The following TRIM72 variants were observed in gnomAD, a reference collection of about 807,000 sequenced individuals.
TRIM72 encodes the protein tripartite motif-containing protein 72.
Under a neutral mutation model 31.6 loss-of-function variants are expected in TRIM72, and 33 were observed. The observed-to-expected ratio is 1.04, with a 90% CI of 0.79 to 1.40. The LOEUF (loss-of-function observed/expected upper bound fraction) is 1.40. Ranked by LOEUF, TRIM72 falls within the 40% of genes most tolerant of loss-of-function variation. The pLI is 0.00. For synonymous variants in TRIM72, 301 were observed against 314.4 expected (o/e 0.96, Z 0.45); for missense variants, 666 against 682.7 (o/e 0.98, Z 0.27).
rs372501950 is a variant in TRIM72, at chr16:31,219,052, G to T, written c.391-43G>T. On this transcript the variant is annotated intron_variant, in intron 2 of 6. Coordinates refer to ENST00000322122, the MANE Select transcript of TRIM72 (RefSeq NM_001008274.4). This position sits in a 1 kb window ranked among gnomAD's most constrained non-coding sequence, Gnocchi z 4.2. ...TTTAGGATGGGAGGTGTGGGTTTTG[G>T]GTGGGTGGCATCCCCATCACTTCTC... 25 of 1,534,370 alleles carry T rather than the reference G, an allele frequency of 1.6e-5. No individual in the cohort carries two copies. Among genetic ancestry groups the T allele is most frequent in the South Asian group, 9.7e-5 (8 of 82,714 alleles).
chr16:31,223,004 G>A (rs1002442338), intron 6 of TRIM72, 59 bp downstream of exon 6: 2 of 1,398,506 alleles, frequency 1.4e-6, no homozygotes, highest in Admixed American at 4.1e-5. Context: ...GGAGGCCCTA[G>A]CCACCCTGGA....
In TRIM72 at chr16:31,216,609, C is replaced by G. The variant is rs1218694038; in HGVS notation, c.390+1481C>G. The G allele has an allele frequency of 3.1e-6, 3 of 956,770 alleles. No homozygotes were observed. The highest frequency in any genetic ancestry group is 3.3e-5 in the South Asian group (2 of 59,722). The allele number at this position is 956,770 out of a possible 1,614,324, so 59.3% of individuals were successfully genotyped here. On this transcript the variant is annotated intron_variant, in intron 2 of 6. Coordinates refer to ENST00000322122, the MANE Select transcript of TRIM72 (RefSeq NM_001008274.4). The surrounding 1 kb of genome is among the most constrained non-coding windows in gnomAD (Gnocchi z 6.7). ...TCGCGGCAGCCCAGCCCTTCGCCCC[C>G]GGGAGGGGCTGGCCGGAGGTCTGAG...
chr16:31,217,961 G>T (rs889390242), intron 2 of TRIM72, among the ~76,000 whole-genome samples: 4 of 152,176 alleles, frequency 2.6e-5, no homozygotes, highest in African/African-American at 9.6e-5. Context: ...CCAAGCCCAT[G>T]TGTGTACAGG....
At position 31,215,053 on chromosome 16, in the gene TRIM72, C is replaced by A. The variant is rs773228834; in HGVS notation, c.315C>A (p.Cys105Ter). 6.7e-6 allele frequency: 10 copies of A among 1,490,292 alleles called. No homozygotes were observed. Among genetic ancestry groups the A allele is most frequent in the African/African-American group, 2.9e-5 (2 of 68,696 alleles). The allele number at this position is 1,490,292 out of a possible 1,614,324, so 92.3% of individuals were successfully genotyped here. The change falls in exon 2 of 7, where the codon TGC becomes TGA. Residue 105 changes from cysteine to a stop codon, truncating the protein, a stop_gained. Coordinates refer to ENST00000322122, the MANE Select transcript of TRIM72 (RefSeq NM_001008274.4). LOFTEE classifies it high-confidence loss of function. This position sits in a 1 kb window ranked among gnomAD's most constrained non-coding sequence, Gnocchi z 6.3. The stretch of plus-strand genomic sequence containing the variant: ...GCGAGCAGGACCGCGCGCTGGTGTG[C>A]GGAGTGTGCGCCTCACTCGGCTCGC... ...IYCEQDRALV[C>*]GVCASLGSHR... is the part of the protein sequence containing the mutation.
Position 31,224,470 on chromosome 16 carries a change from G to A in TRIM72, c.1149G>A (p.Leu383=). The change falls in exon 7 of 7, where the codon CTG becomes CTA. Residue 383 remains leucine (L), a synonymous_variant. Coordinates refer to ENST00000322122, the MANE Select transcript of TRIM72 (RefSeq NM_001008274.4). ...HAVPSQGLWL[L]GLREGKILEA... ...TGCCCTCGCAGGGCCTGTGGCTGCT[G>A]GGGCTGCGCGAGGGCAAGATCCTGG... is the stretch of plus-strand genomic sequence containing the variant. 1 of 1,472,318 alleles carries A rather than the reference G, an allele frequency of 6.8e-7. No homozygotes were observed. Among genetic ancestry groups the A allele is most frequent in the Non-Finnish European group, 8.9e-7 (1 of 1,123,026 alleles). 91.2% of individuals were successfully genotyped at this position (1,472,318 alleles called of 1,614,324 possible). A position where few individuals can be genotyped will look rare whatever the true frequency, so the allele number is the denominator to read the frequency against.
In TRIM72 at chr16:31,215,456, A is replaced by G. The variant is rs1218755562; in HGVS notation, c.390+328A>G. On this transcript the variant is annotated intron_variant, in intron 2 of 6. Transcript: ENST00000322122. This position sits in a 1 kb window ranked among gnomAD's most constrained non-coding sequence, Gnocchi z 6.3. ...TGATGGGCCGGGCGGAGCCAGGCGG[A>G]GCAGGGACTGACCAGCCCCTGCGGC... Among the ~76,000 whole-genome samples, 2 of 152,032 alleles carry G rather than the reference A, an allele frequency of 1.3e-5. No individual in the cohort carries two copies. Among genetic ancestry groups the G allele is most frequent in the African/African-American group, 2.4e-5 (1 of 41,376 alleles).
chr16:31,222,482 CTTTTTTT>C (rs3060409), intron 5 of TRIM72, among the ~76,000 whole-genome samples: 5 of 117,982 alleles, frequency 4.2e-5, no homozygotes, highest in Non-Finnish European at 8.3e-5. Context: ...TCTTCTTCTT[CTTTTTTT>C]TTTTTTTTTA....
At chr16:31,221,643 GAGA>G (rs1294737877) in intron 5 of TRIM72, among the ~76,000 whole-genome samples, 5 of 143,756 alleles carry the variant, frequency 3.5e-5, no homozygotes, top group African/African-American at 7.8e-5. Flanking sequence ...GCATTGCTGG[GAGA>G]AGAAGGGCAT....
Position 31,216,524 on chromosome 16 carries a change from G to C in TRIM72, c.390+1396G>C, listed in dbSNP as rs1012807049. On this transcript the variant is annotated intron_variant, in intron 2 of 6. Transcript: ENST00000322122. The surrounding 1 kb of genome is among the most constrained non-coding windows in gnomAD (Gnocchi z 6.7). ...GCACAGAACCCATGAAACGGAACAG[G>C]GCCCAGGCAGCCCAGGAGCCTGGAA... Among the ~76,000 whole-genome samples, 1 of 152,220 alleles carries C rather than the reference G, an allele frequency of 6.6e-6. No individual in the cohort carries two copies. Among genetic ancestry groups the C allele is most frequent in the Non-Finnish European group, 1.5e-5 (1 of 68,042 alleles).
Position 31,220,918 on chromosome 16 carries a change from G to A in TRIM72, c.740G>A (p.Arg247Lys), listed in dbSNP as rs142710131. 1.9e-6 allele frequency: 3 copies of A among 1,614,054 alleles called. No homozygotes were observed. Among genetic ancestry groups the A allele is most frequent in the African/African-American group, 2.7e-5 (2 of 74,914 alleles). Reference sequence around the variant, plus strand: ...CAGAAATACTGCCTGGTGACCAGCAGGTGAGAGCAACCTGGCCCTGTCCCT... The same window carrying A: ...CAGAAATACTGCCTGGTGACCAGCAAGTGAGAGCAACCTGGCCCTGTCCCT... ...FLMKYCLVTS[R>K]LQKILAESPP... Residue 247 changes from arginine to lysine, a missense_variant and splice_region_variant, in exon 5 of 7, where the codon AGG (arginine) becomes AAG (lysine). Transcript: ENST00000322122.
Position 31,224,369 on chromosome 16 carries a change from G to A in TRIM72, c.1048G>A (p.Asp350Asn), listed in dbSNP as rs1349344355. Reference protein sequence around the residue: ...LSEGEHYWEVDVGDKPRWALG... With the variant: ...LSEGEHYWEVNVGDKPRWALG... ...CGAGGGCGAGCACTACTGGGAGGTG[G>A]ATGTTGGCGACAAGCCGCGCTGGGC... is the stretch of plus-strand genomic sequence containing the variant. The change falls in exon 7 of 7, where the codon GAT becomes AAT. Residue 350 changes from aspartate to asparagine, a missense_variant. Asp to Asn is a conservative substitution (Grantham distance 23). Coordinates refer to ENST00000322122, the MANE Select transcript of TRIM72 (RefSeq NM_001008274.4). The A allele has an allele frequency of 6.6e-7, 1 of 1,511,794 alleles. No individual in the cohort carries two copies. Among genetic ancestry groups the A allele is most frequent in the Middle Eastern group, 1.8e-4 (1 of 5,652 alleles). 93.6% of individuals were successfully genotyped at this position (1,511,794 alleles called of 1,614,324 possible).
rs372347969 is a variant in TRIM72, at chr16:31,216,937, G to T, written c.390+1809G>T. 1.2e-5 allele frequency: 19 copies of T among 1,614,010 alleles called. No individual in the cohort carries two copies. The highest frequency in any genetic ancestry group is 8.0e-5 in the African/African-American group (6 of 74,950). ...GATGCGCTCAAAGCCCTCGCGCAGC[G>T]GCACCGTCCCCAGCTTCATCTTGAA... On this transcript the variant is annotated intron_variant, in intron 2 of 6. Coordinates refer to ENST00000322122, the MANE Select transcript of TRIM72 (RefSeq NM_001008274.4). The surrounding 1 kb of genome is among the most constrained non-coding windows in gnomAD (Gnocchi z 6.7).
At position 31,222,953 on chromosome 16, in the gene TRIM72, G is replaced by A. The variant is rs1417276007; in HGVS notation, c.859+8G>A. On this transcript the variant is annotated splice_region_variant and intron_variant, in intron 6 of 6. Coordinates refer to ENST00000322122, the MANE Select transcript of TRIM72 (RefSeq NM_001008274.4). ...TCCGGGCTCTGATGCCAGGTACCGGGAGGGACTGGCTCAGGTTTGTGTGTG... is the reference window on the plus strand; with the variant it reads ...TCCGGGCTCTGATGCCAGGTACCGGAAGGGACTGGCTCAGGTTTGTGTGTG... 2 of 1,582,130 alleles carry A rather than the reference G, an allele frequency of 1.3e-6. No individual in the cohort carries two copies. Among genetic ancestry groups the A allele is most frequent in the East Asian group, 2.4e-5 (1 of 41,608 alleles).
chr16:31,219,282 C>G lies in TRIM72; in HGVS notation c.487-7C>G. 1 of 1,614,178 alleles carries G rather than the reference C, an allele frequency of 6.2e-7. No individual in the cohort carries two copies. Among genetic ancestry groups the G allele is most frequent in the East Asian group, 2.2e-5 (1 of 44,888 alleles). On this transcript the variant is annotated splice_polypyrimidine_tract_variant and splice_region_variant and intron_variant, in intron 3 of 6. Transcript: ENST00000322122. The surrounding 1 kb of genome is among the most constrained non-coding windows in gnomAD (Gnocchi z 4.2). The stretch of plus-strand genomic sequence containing the variant: ...TTATCCCTTCAATCACTGCCCCATC[C>G]CTGCAGGAGACAGTGCGTCAGTTCC...
At position 31,219,555 on chromosome 16, in the gene TRIM72, C is replaced by A; in HGVS notation, c.717+36C>A. On this transcript the variant is annotated intron_variant, in intron 4 of 6. Coordinates refer to ENST00000322122, the MANE Select transcript of TRIM72 (RefSeq NM_001008274.4). This position sits in a 1 kb window ranked among gnomAD's most constrained non-coding sequence, Gnocchi z 4.2. ...GGTGACCCCCCTCCCTGCCTCAGCC[C>A]CCTGCTCAGGGCCCAGAGACCTCAT... The A allele has an allele frequency of 6.4e-7, 1 of 1,562,282 alleles. No individual in the cohort carries two copies. The highest frequency in any genetic ancestry group is 8.7e-7 in the Non-Finnish European group (1 of 1,147,686).
chr16:31,221,116 G>A (rs9927298), intron 5 of TRIM72, among the ~76,000 whole-genome samples, 198 bp downstream of exon 5: 137,619 of 152,214 alleles, frequency 0.9, 63,772 homozygotes, highest in East Asian at 1. Flanking sequence ...GATTGGTGCC[G>A]TGAGACACAT....
rs766910598 is a variant in TRIM72, at chr16:31,215,099, C to A, written c.361C>A (p.Pro121Thr). The change falls in exon 2 of 7, where the codon CCT becomes ACT. Residue 121 changes from proline (P) to threonine (T), a missense_variant. Coordinates refer to ENST00000322122, the MANE Select transcript of TRIM72 (RefSeq NM_001008274.4). This position sits in a 1 kb window ranked among gnomAD's most constrained non-coding sequence, Gnocchi z 6.3. Reference sequence around the variant, plus strand: ...CTCGCACCGCGGTCATCGCCTCCTGCCTGCCGCCGAGGCCCACGCACGCCT... The same window carrying A: ...CTCGCACCGCGGTCATCGCCTCCTGACTGCCGCCGAGGCCCACGCACGCCT... ...LGSHRGHRLL[P>T]AAEAHARLKT... The A allele has an allele frequency of 6.9e-7, 1 of 1,447,282 alleles. No homozygotes were observed. The highest frequency in any genetic ancestry group is 2.7e-5 in the Admixed American group (1 of 37,410). The allele number at this position is 1,447,282 out of a possible 1,614,324, so 89.7% of individuals were successfully genotyped here.
In TRIM72 at chr16:31,230,092, GA is replaced by G. The variant is rs2079565410; in HGVS notation, c.*5340del. 6.6e-6 allele frequency: 1 copy of G among 152,094 alleles called. No individual in the cohort carries two copies. The highest frequency in any genetic ancestry group is 1.5e-5 in the Non-Finnish European group (1 of 68,040). 9.4% of individuals were successfully genotyped at this position (152,094 alleles called of 1,614,324 possible). A position where few individuals can be genotyped will look rare whatever the true frequency, so the allele number is the denominator to read the frequency against. On this transcript the variant is annotated 3_prime_UTR_variant, in exon 7 of 7. Transcript: ENST00000322122. ...GAGAGAGTTAAAACAGGAATTAAAA[GA>G]AATTAAAGAATGTGTAAGCAAAAAC...
At position 31,215,793 on chromosome 16, in the gene TRIM72, C is replaced by T. The variant is rs1008267320; in HGVS notation, c.390+665C>T. Among the ~76,000 whole-genome samples, 2 of 152,070 alleles carry T rather than the reference C, an allele frequency of 1.3e-5. No homozygotes were observed. The highest frequency in any genetic ancestry group is 2.9e-5 in the Non-Finnish European group (2 of 68,002). ...TGTTTTTCTGGGTGGAGCTGGAAGT[C>T]CCGAAAGCCTTGGGAGCCCACACGC... On this transcript the variant is annotated intron_variant, in intron 2 of 6. Transcript: ENST00000322122. This position sits in a 1 kb window ranked among gnomAD's most constrained non-coding sequence, Gnocchi z 6.3.
Sources: allele counts gnomAD v4.1 joint callset (sites outside exome capture counted in the v4.1 genomes callset), GRCh38; gene constraint gnomAD v4.1.1; non-coding constraint Gnocchi (gnomAD v3.1); transcripts MANE v1.5; gene names NCBI Gene and HGNC (gene_info 2026-07-23, HGNC 2026-07-21).